The following YARS1 variants were observed in gnomAD, a reference collection of about 807,000 sequenced individuals.
The protein encoded by YARS1 is tyrosyl-tRNA synthetase 1.
Under a neutral mutation model 62.2 loss-of-function variants are expected in YARS1, and 36 were observed. That is an observed-to-expected ratio of 0.58 (90% CI 0.44 to 0.76). YARS1 has a LOEUF of 0.76. YARS1 is among the 30% of genes least tolerant of loss of function. YARS1 has a pLI of 0.00. For synonymous variants in YARS1, 234 were observed against 244.9 expected, an observed-to-expected ratio of 0.96 and a Z score of 0.42; for missense variants, 524 against 639.8, an observed-to-expected ratio of 0.82 and a Z score of 1.95.
At chr1:32,781,302 C>A in intron 9 of YARS1, 157 bp from the exon 10 acceptor site, 1 of 690,636 alleles carries the variant, frequency 1.4e-6, no homozygotes, top group Non-Finnish European at 2.6e-6. Flanking sequence ...GGGTTGGCAA[C>A]CTTTCAGACA....
rs556306060 is a variant in YARS1, at chr1:32,798,251, A to G, written c.511-408T>C. On this transcript the variant is annotated intron_variant, in intron 4 of 12. Transcript: ENST00000373477. ...AATTACTAGATTTTTCAGAAGGTAA[A>G]GCCAAGAAGAAAATAAACAGCAGTC... 2.1e-4 allele frequency: 50 copies of G among 235,932 alleles called. No individual in the cohort carries two copies. The East Asian group carries it at 3.6e-3, about 17-fold the overall frequency. The allele number at this position is 235,932 out of a possible 1,614,324, so 14.6% of individuals were successfully genotyped here. A position where few individuals can be genotyped will look rare whatever the true frequency, so the allele number is the denominator to read the frequency against.
chr1:32,801,301 A>G (rs1038295858), intron 4 of YARS1, among the ~76,000 whole-genome samples: 2 of 152,150 alleles, frequency 1.3e-5, no homozygotes, highest in Non-Finnish European at 2.9e-5. Flanking sequence ...GACAACCACA[A>G]TAAAGTGACT....
chr1:32,810,106 C>CAAAA (rs11381151), intron 3 of YARS1, among the ~76,000 whole-genome samples: 1 of 121,558 alleles, frequency 8.2e-6, no homozygotes, highest in East Asian at 2.2e-4. Context: ...AACTCCACCT[C>CAAAA]AAAAAAAAAA....
Position 32,810,894 on chromosome 1 carries a change from A to C in YARS1, c.204+17T>G. 1 of 1,614,130 alleles carries C rather than the reference A, an allele frequency of 6.2e-7. No homozygotes were observed. Among genetic ancestry groups the C allele is most frequent in the Non-Finnish European group, 8.5e-7 (1 of 1,180,032 alleles). ...CCCTTGGGTCATTCCCCAAGGGCTT[A>C]TAGCATTAGTTCTTACCTCACACCC... is the stretch of plus-strand genomic sequence containing the variant. On this transcript the variant is annotated intron_variant, in intron 2 of 12. Coordinates refer to ENST00000373477, the MANE Select transcript of YARS1 (RefSeq NM_003680.4).
chr1:32,786,970 T>C lies in YARS1; in HGVS notation c.790A>G (p.Ile264Val). ...NVENNGVLSF[I>V]KHVLFPLKSE... Reference sequence around the variant, plus strand: ...TTAAGGGGAAAAAGGACATGCTTGATGAAGGACAGAACCCCATTGTTCTCC... The same window carrying C: ...TTAAGGGGAAAAAGGACATGCTTGACGAAGGACAGAACCCCATTGTTCTCC... The change falls in exon 7 of 13, where the codon ATC becomes GTC. Residue 264 changes from isoleucine (I) to valine (V), a missense_variant. Ile to Val is a conservative substitution (Grantham distance 29). Coordinates refer to ENST00000373477, the MANE Select transcript of YARS1 (RefSeq NM_003680.4). 2 of 1,614,146 alleles carry C rather than the reference T, an allele frequency of 1.2e-6. No individual in the cohort carries two copies. The highest frequency in any genetic ancestry group is 1.7e-6 in the Non-Finnish European group (2 of 1,180,012).
Position 32,786,573 on chromosome 1 carries a change from T to C in YARS1, c.821-126A>G, listed in dbSNP as rs149756101. 698 of 960,068 alleles carry C rather than the reference T, an allele frequency of 7.3e-4. 7 individuals carry two copies. In the East Asian group the frequency reaches 0.017, roughly 23 times the overall value. The allele number at this position is 960,068 out of a possible 1,614,324, so 59.5% of individuals were successfully genotyped here. On this transcript the variant is annotated intron_variant, in intron 7 of 12. Transcript: ENST00000373477. ...GCCATATATTCTGAACTTTATTGTA[T>C]GGTATTATTCTTAAATTGGATGAGT...
chr1:32,805,240 G>A (rs1005348594), intron 4 of YARS1, among the ~76,000 whole-genome samples: 5 of 107,094 alleles, frequency 4.7e-5, no homozygotes, highest in African/African-American at 2.0e-4. Flanking sequence ...GGGGAGAGGG[G>A]GAGAGGGGGA....
intron 12 of YARS1, among the ~76,000 whole-genome samples, chr1:32,777,087 T>C (rs1043149568): frequency 1.3e-5 from 2 of 151,132 alleles, no homozygotes; most frequent in Non-Finnish European, 2.9e-5. Flanking sequence ...TGGAGTGCAA[T>C]AGCGTGATCT....
chr1:32,790,385 C>T (rs1302936861), intron 6 of YARS1, among the ~76,000 whole-genome samples: 1 of 149,506 alleles, frequency 6.7e-6, no homozygotes, highest in South Asian at 2.1e-4. Flanking sequence ...TGGTGGCGGG[C>T]GCCTGTAGTC....
At chr1:32,782,673 TAGG>T (rs1317671032) in intron 8 of YARS1, 134 bp from the exon 9 acceptor site, 34 of 1,227,280 alleles carry the variant, frequency 2.8e-5, no homozygotes, top group Admixed American at 9.9e-5. Context: ...GTGAGGCAGG[TAGG>T]AGAAGGGAAA....
intron 4 of YARS1, among the ~76,000 whole-genome samples, chr1:32,804,634 G>A (rs971979978): frequency 2.6e-5 from 4 of 151,416 alleles, no homozygotes; most frequent in Middle Eastern, 3.4e-3. Context: ...CATCCCAGAC[G>A]GGGCGGCGGG....
At position 32,775,883 on chromosome 1, in the gene YARS1, C is replaced by T. The variant is rs538986203; in HGVS notation, c.*98G>A. 1.3e-4 allele frequency: 146 copies of T among 1,154,572 alleles called. 1 individual carries two copies. In the South Asian group the frequency reaches 1.5e-3, roughly 12 times the overall value. 71.5% of individuals were successfully genotyped at this position (1,154,572 alleles called of 1,614,324 possible). A position where few individuals can be genotyped will look rare whatever the true frequency, so the allele number is the denominator to read the frequency against. On this transcript the variant is annotated 3_prime_UTR_variant, in exon 13 of 13. Transcript: ENST00000373477. ...ATAAAGAGTCCAAACCCGCTGCTTC[C>T]GTGTCCTGAGAGATGGGTAAATGGG...
At position 32,780,589 on chromosome 1, in the gene YARS1, TAC is replaced by T. The variant is rs1653020574; in HGVS notation, c.1141-313_1141-312del. ...CTCAGGGTGGTTTTGGTGGTTGGGG[TAC>T]ACAGTGAGAAGCAAATCCATGTCGA... On this transcript the variant is annotated intron_variant, in intron 10 of 12. Transcript: ENST00000373477. The T allele has an allele frequency of 1.1e-5, 5 of 462,684 alleles. No individual in the cohort carries two copies. In the East Asian group the frequency reaches 2.2e-4, roughly 20 times the overall value. The allele number at this position is 462,684 out of a possible 1,614,324, so 28.7% of individuals were successfully genotyped here. A position where few individuals can be genotyped will look rare whatever the true frequency, so the allele number is the denominator to read the frequency against.
intron 12 of YARS1, among the ~76,000 whole-genome samples, chr1:32,777,791 G>A (rs988940154): frequency 2.6e-5 from 4 of 152,096 alleles, no homozygotes; most frequent in African/African-American, 9.7e-5. Context: ...ACAAGAGTGA[G>A]ACCCTGTTTC....
At chr1:32,786,521 C>T (rs56064318) in intron 7 of YARS1, 74 bp from the exon 8 acceptor site, 27 of 913,630 alleles carry the variant, frequency 3.0e-5, no homozygotes, top group East Asian at 6.9e-5. Flanking sequence ...TATTCCTAGC[C>T]CACATGCATG....
At chr1:32,782,619 G>C (rs777139037) in intron 8 of YARS1, 80 bp from the exon 9 acceptor site, 167 of 1,593,608 alleles carry the variant, frequency 1.0e-4, no homozygotes, top group Non-Finnish European at 1.3e-4. Context: ...GTAGGATCAA[G>C]GGAGTTTTTC....
intron 3 of YARS1, among the ~76,000 whole-genome samples, chr1:32,807,463 A>AT (rs554615976): frequency 6.3e-4 from 92 of 145,524 alleles, no homozygotes; most frequent in Middle Eastern, 6.8e-3. Flanking sequence ...TTTTCCTTTT[A>AT]TTTTTTTTTT....
chr1:32,794,087 C>T (rs368875051), intron 5 of YARS1, among the ~76,000 whole-genome samples: 6 of 152,290 alleles, frequency 3.9e-5, no homozygotes, highest in East Asian at 1.9e-4. Flanking sequence ...CAGTGGCTTA[C>T]GCCTGTAATC....
intron 6 of YARS1, chr1:32,790,700 C>A: frequency 6.0e-6 from 1 of 166,102 alleles, no homozygotes; most frequent in Non-Finnish European, 1.3e-5. Flanking sequence ...GAACCCAGAA[C>A]TCAACCTTTC....
Sources: allele counts gnomAD v4.1 joint callset (sites outside exome capture counted in the v4.1 genomes callset), GRCh38; gene constraint gnomAD v4.1.1; transcripts MANE v1.5; gene names NCBI Gene and HGNC (gene_info 2026-07-23, HGNC 2026-07-21).